The following CFAP44 variants were observed in gnomAD, a reference collection of about 807,000 sequenced individuals.
The protein encoded by CFAP44 is cilia and flagella associated protein 44.
CFAP44 carries 134 observed loss-of-function variants against 216.2 expected under a neutral mutation model. The observed-to-expected ratio is 0.62, with a 90% CI of 0.54 to 0.72. CFAP44 has a LOEUF of 0.72. CFAP44 is among the 30% of genes least tolerant of loss of function. The pLI, the probability that CFAP44 is intolerant of heterozygous loss-of-function variation, is 0.00. For synonymous variants in CFAP44, 700 were observed against 727.6 expected (o/e 0.96, Z 0.61); for missense variants, 2,035 against 2,182.1 (o/e 0.93, Z 1.34).
chr3:113,439,271 A>G (rs1935304254), intron 1 of CFAP44, among the ~76,000 whole-genome samples: 3 of 152,220 alleles, frequency 2.0e-5, no homozygotes, highest in Admixed American at 2.0e-4. Context: ...AACCCTGACA[A>G]ATAGAGCTGG....
chr3:113,393,906 G>A (rs1216645980), intron 15 of CFAP44, among the ~76,000 whole-genome samples: 1 of 152,140 alleles, frequency 6.6e-6, no homozygotes. Context: ...AAGCCCGTGA[G>A]GCCCTCACCA....
Position 113,296,742 on chromosome 3 carries a change from C to G in CFAP44, c.5221G>C (p.Glu1741Gln), listed in dbSNP as rs1949885735. Residue 1741 changes from glutamate (E) to glutamine (Q), a missense_variant, in exon 33 of 35, where the codon GAG becomes CAG. Coordinates refer to ENST00000393845, the MANE Select transcript of CFAP44 (RefSeq NM_001164496.2). ...KLRKELANAK[E>Q]MKMWEEKIAQ... ...TTCCTTACCTCCCACATCTTCATCT[C>G]TTTCGCATTTGCTAGCTCCTTTCGA... 1 of 1,537,688 alleles carries G rather than the reference C, an allele frequency of 6.5e-7. No individual in the cohort carries two copies. The highest frequency in any genetic ancestry group is 1.4e-5 in the African/African-American group (1 of 73,164).
chr3:113,336,427 T>G (rs1950282286), intron 24 of CFAP44, among the ~76,000 whole-genome samples: 1 of 151,970 alleles, frequency 6.6e-6, no homozygotes, highest in African/African-American at 2.4e-5. Flanking sequence ...GGGAGTAATA[T>G]AAACTACCTT....
At chr3:113,292,255 CAGAAT>C (rs1949837056) in intron 34 of CFAP44, among the ~76,000 whole-genome samples, 1 of 152,166 alleles carries the variant, frequency 6.6e-6, no homozygotes, top group African/African-American at 2.4e-5. Context: ...CTATAATTTA[CAGAAT>C]ATTACATGGT....
At chr3:113,394,190 C>T (rs2107352033) in intron 15 of CFAP44, among the ~76,000 whole-genome samples, 1 of 152,234 alleles carries the variant, frequency 6.6e-6, no homozygotes, top group Middle Eastern at 3.4e-3. Context: ...AATGTGTGTA[C>T]AGCTCTACAG....
At chr3:113,357,659 T>C (rs75525970) in intron 22 of CFAP44, among the ~76,000 whole-genome samples, 4,383 of 152,324 alleles carry the variant, frequency 0.029, 110 homozygotes, top group East Asian at 0.1. Flanking sequence ...CCAATCAGTT[T>C]GTAGTACTTT....
At chr3:113,438,194 A>G (rs1425053248) in intron 1 of CFAP44, among the ~76,000 whole-genome samples, 2 of 152,232 alleles carry the variant, frequency 1.3e-5, no homozygotes, top group Non-Finnish European at 2.9e-5. Flanking sequence ...ACTCCTAGAT[A>G]TTCTCTTTGA....
chr3:113,427,431 G>A (rs1216831195), intron 2 of CFAP44, 92 bp from the exon 3 acceptor site: 3 of 966,822 alleles, frequency 3.1e-6, no homozygotes, highest in Non-Finnish European at 4.5e-6. Flanking sequence ...TTGTGCTATA[G>A]ATGTAATAAA....
chr3:113,333,629 A>G (rs1402487360), intron 24 of CFAP44, 46 bp from the exon 25 acceptor site: 6 of 1,436,930 alleles, frequency 4.2e-6, no homozygotes, highest in Non-Finnish European at 5.5e-6. Context: ...TATGACAATA[A>G]ACTCTAATTT....
At chr3:113,342,493 A>T (rs7630301) in intron 23 of CFAP44, among the ~76,000 whole-genome samples, 50,992 of 152,028 alleles carry the variant, frequency 0.34, 8,977 homozygotes, top group East Asian at 0.57. Flanking sequence ...AAGATATATA[A>T]TAAACAATTA....
intron 17 of CFAP44, among the ~76,000 whole-genome samples, chr3:113,379,086 A>T (rs1933433710): frequency 6.6e-6 from 1 of 152,190 alleles, no homozygotes; most frequent in Non-Finnish European, 1.5e-5. Flanking sequence ...TATCTGCACA[A>T]GAAGACATAT....
intron 22 of CFAP44, among the ~76,000 whole-genome samples, chr3:113,350,428 G>A (rs1399626663): frequency 6.6e-6 from 1 of 152,120 alleles, no homozygotes; most frequent in African/African-American, 2.4e-5. Context: ...CAGAAAGAGA[G>A]AAAGAGACAA....
intron 26 of CFAP44, among the ~76,000 whole-genome samples, chr3:113,329,319 T>G (rs559534041): frequency 6.6e-6 from 1 of 152,238 alleles, no homozygotes; most frequent in South Asian, 2.1e-4. Context: ...AACTCAACTC[T>G]GGAAGGAAGT....
intron 21 of CFAP44, chr3:113,360,355 A>G (rs1950527596): frequency 4.5e-6 from 1 of 222,584 alleles, no homozygotes; most frequent in Non-Finnish European, 9.9e-6. Context: ...AAAGATGATT[A>G]TGAATACTAT....
intron 19 of CFAP44, among the ~76,000 whole-genome samples, chr3:113,363,738 G>C (rs1950563376): frequency 6.6e-6 from 1 of 152,098 alleles, no homozygotes; most frequent in Admixed American, 6.6e-5. Context: ...TGCTTTATTT[G>C]AAGGAGTACA....
intron 15 of CFAP44, among the ~76,000 whole-genome samples, chr3:113,392,678 C>T (rs184979428): frequency 6.6e-6 from 1 of 152,106 alleles, no homozygotes; most frequent in East Asian, 1.9e-4. Flanking sequence ...CCCATAAATA[C>T]ATATATCTAC....
chr3:113,302,231 C>T (rs1325421657), intron 32 of CFAP44, among the ~76,000 whole-genome samples: 1 of 151,912 alleles, frequency 6.6e-6, no homozygotes, highest in African/African-American at 2.4e-5. Context: ...CTGCAGTGAA[C>T]ATAGGACTGC....
chr3:113,401,388 A>G, intron 10 of CFAP44, 101 bp from the exon 11 acceptor site: 4 of 1,236,572 alleles, frequency 3.2e-6, no homozygotes, highest in Non-Finnish European at 4.5e-6. Context: ...AAGCAATAAT[A>G]TCAAAAGCTC....
At position 113,306,275 on chromosome 3, in the gene CFAP44, T is replaced by C; in HGVS notation, c.4684A>G (p.Ile1562Val). 1 of 1,537,060 alleles carries C rather than the reference T, an allele frequency of 6.5e-7. No homozygotes were observed. Among genetic ancestry groups the C allele is most frequent in the Non-Finnish European group, 8.7e-7 (1 of 1,146,780 alleles). Reference protein sequence around the residue: ...ALHLREKRLDIEEALVEEKKI... With the variant: ...ALHLREKRLDVEEALVEEKKI... ...TTTTCTTCAACTAAAGCCTCCTCAA[T>C]GTCCAGCCTTTTCTCTCGAAGGTGA... The change falls in exon 30 of 35, where the codon ATT becomes GTT. Residue 1562 changes from isoleucine (I) to valine (V), a missense_variant. Ile to Val is a conservative substitution (Grantham distance 29). Coordinates refer to ENST00000393845, the MANE Select transcript of CFAP44 (RefSeq NM_001164496.2).
Sources: gnomAD v4.1 joint callset for allele counts (sites outside exome capture counted in the v4.1 genomes callset) on GRCh38, gnomAD v4.1.1 for gene constraint, MANE v1.5 for transcripts, NCBI Gene and HGNC (gene_info 2026-07-23, HGNC 2026-07-21) for gene names.